The following DOCK11 variants were observed in gnomAD, a reference collection of about 807,000 sequenced individuals.
DOCK11 encodes the protein dedicator of cytokinesis protein 11.
DOCK11 carries 70 observed loss-of-function variants against 169.1 expected under a neutral mutation model. That is an observed-to-expected ratio of 0.41 (90% CI 0.34 to 0.51). The LOEUF (loss-of-function observed/expected upper bound fraction) is 0.51, where lower values mean the gene tolerates loss of function less well. Ranked by LOEUF, DOCK11 falls within the 20% of genes least tolerant of loss-of-function variation. DOCK11 has a pLI of 0.10. For missense variants in DOCK11, 1,166 were observed against 1,538.8 expected, an observed-to-expected ratio of 0.76 and a Z score of 4.05; for synonymous variants, 529 against 541.3, an observed-to-expected ratio of 0.98 and a Z score of 0.32.
At chrX:118,671,302 T>C (rs768703710) in intron 46 of DOCK11, among the ~76,000 whole-genome samples, 157 bp downstream of exon 46, 1 of 112,408 alleles carries the variant, frequency 8.9e-6, no homozygotes, top group South Asian at 3.6e-4. Flanking sequence ...TAGAGTATAG[T>C]CTATCATTTT....
chrX:118,525,829 A>C (rs1271817049), intron 1 of DOCK11, among the ~76,000 whole-genome samples: 2 of 111,633 alleles, frequency 1.8e-5, no homozygotes, highest in Non-Finnish European at 3.8e-5. Context: ...AAAGGAAAAA[A>C]AAAGAAAAAG....
chrX:118,584,521 C>T (rs1281958058), intron 14 of DOCK11, among the ~76,000 whole-genome samples: 1 of 112,095 alleles, frequency 8.9e-6, no homozygotes, highest in African/African-American at 3.2e-5. Flanking sequence ...TAAATTGCTG[C>T]TGCGCAAATT....
In DOCK11 at chrX:118,593,303, A is replaced by G; in HGVS notation, c.2229A>G (p.Gly743=). ...TAAGTTGTGAAATTAACACAAAGGG[A>G]ACAACCAAAAAGCAAGACACAGTTG... ...YHVSCEINTK[G]TTKKQDTVET... The change falls in exon 20 of 53, where the codon GGA becomes GGG. Residue 743 remains glycine (G), a synonymous_variant. Coordinates refer to ENST00000276202, the MANE Select transcript of DOCK11 (RefSeq NM_144658.4). The G allele has an allele frequency of 8.3e-7, 1 of 1,204,621 alleles. No individual in the cohort carries two copies. Among genetic ancestry groups the G allele is most frequent in the Non-Finnish European group, 1.1e-6 (1 of 893,050 alleles).
At chrX:118,566,329 C>T (rs1159993386) in intron 8 of DOCK11, 147 bp downstream of exon 8, 2 of 608,710 alleles carry the variant, frequency 3.3e-6, no homozygotes, top group East Asian at 7.2e-5. Context: ...GGTTGATAGA[C>T]TTTTTTTAAA....
At chrX:118,527,424 A>G (rs2011402612) in intron 1 of DOCK11, among the ~76,000 whole-genome samples, 1 of 112,224 alleles carries the variant, frequency 8.9e-6, no homozygotes, top group Non-Finnish European at 1.9e-5. Flanking sequence ...TTGTTGGTGG[A>G]TACATCTTGG....
chrX:118,567,990 T>A (rs1171016159), intron 9 of DOCK11, 89 bp from the exon 10 acceptor site: 7 of 430,344 alleles, frequency 1.6e-5, no homozygotes. Flanking sequence ...TGTGACAGAT[T>A]GATAGTTTCA....
At chrX:118,542,517 TGTTTG>T (rs1569411481) in intron 1 of DOCK11, among the ~76,000 whole-genome samples, 28 of 65,483 alleles carry the variant, frequency 4.3e-4, no homozygotes, top group African/African-American at 1.7e-3. Flanking sequence ...TGTGTGTGTG[TGTTTG>T]TGTGTGTGTG....
At chrX:118,610,239 G>GTCTGACATTTT in intron 27 of DOCK11, 33 bp from the exon 28 acceptor site, 1 of 1,205,777 alleles carries the variant, frequency 8.3e-7, no homozygotes, top group East Asian at 3.0e-5. Flanking sequence ...CCTTTTGGAA[G>GTCTGACATTTT]TCTGACTTTT....
intron 19 of DOCK11, among the ~76,000 whole-genome samples, chrX:118,592,050 G>C (rs1227338812): frequency 9.4e-6 from 1 of 106,851 alleles, no homozygotes; most frequent in Admixed American, 1.0e-4. Flanking sequence ...CATTTGGGTT[G>C]GTTCCAAGTC....
intron 11 of DOCK11, among the ~76,000 whole-genome samples, chrX:118,573,001 G>A (rs749120600): frequency 1.5e-4 from 17 of 112,113 alleles, no homozygotes; most frequent in East Asian, 2.8e-4. Context: ...TGCTAGGCTC[G>A]GTCACTATTC....
At chrX:118,614,837 A>G (rs913479133) in intron 29 of DOCK11, 62 bp downstream of exon 29, 2 of 805,354 alleles carry the variant, frequency 2.5e-6, no homozygotes, top group African/African-American at 2.1e-5. Flanking sequence ...CCAAAGTGAC[A>G]TTTATTCTCT....
At chrX:118,603,471 T>G (rs1309044926) in intron 23 of DOCK11, among the ~76,000 whole-genome samples, 1 of 112,383 alleles carries the variant, frequency 8.9e-6, no homozygotes, top group African/African-American at 3.2e-5. Context: ...CCATCTCTCT[T>G]TTCTACCTGG....
In DOCK11 at chrX:118,496,092, G is replaced by T; in HGVS notation, c.102+19G>T. The T allele has an allele frequency of 1.0e-6, 1 of 974,494 alleles. No individual in the cohort carries two copies. The highest frequency in any genetic ancestry group is 3.5e-5 in the South Asian group (1 of 28,917). 80.3% of individuals were successfully genotyped at this position (974,494 alleles called of 1,213,427 possible). A position where few individuals can be genotyped will look rare whatever the true frequency, so the allele number is the denominator to read the frequency against. ...GGTGCTGGTGAGTGGCCGGGGGACGGGGCATCCCGGGGGACGCGCTCCAGG... is the reference window on the plus strand; with the variant it reads ...GGTGCTGGTGAGTGGCCGGGGGACGTGGCATCCCGGGGGACGCGCTCCAGG... On this transcript the variant is annotated intron_variant, in intron 1 of 52. Transcript: ENST00000276202.
At chrX:118,623,887 T>A (rs16995235) in intron 31 of DOCK11, among the ~76,000 whole-genome samples, 7,509 of 112,399 alleles carry the variant, frequency 0.067, 202 homozygotes, top group Non-Finnish European at 0.082. Context: ...TGGCGAGGAA[T>A]GTCTATAAGC....
intron 31 of DOCK11, among the ~76,000 whole-genome samples, chrX:118,620,775 G>T (rs2014951743): frequency 8.9e-6 from 1 of 112,259 alleles, no homozygotes; most frequent in Middle Eastern, 4.2e-3. Context: ...ACTTGCTTAT[G>T]CCTGTAAGTG....
rs143607791 is a variant in DOCK11, at chrX:118,600,819, G to A, written c.2562+1591G>A. 4.4e-3 allele frequency among the ~76,000 whole-genome samples: 487 copies of A among 110,708 alleles called. 2 individuals carry two copies. Among genetic ancestry groups the A allele is most frequent in the African/African-American group, 0.015 (453 of 30,453 alleles). ...TGGGAACAGCAAGTACAAAGGCCCC[G>A]AGGAGCTTGGCTTGGTGTGTTTGGG... On this transcript the variant is annotated intron_variant, in intron 23 of 52. Transcript: ENST00000276202.
chrX:118,602,632 C>T (rs1301091764), intron 23 of DOCK11, among the ~76,000 whole-genome samples: 1 of 110,058 alleles, frequency 9.1e-6, no homozygotes, highest in African/African-American at 3.3e-5. Flanking sequence ...CCTCTGCCTC[C>T]CGGGTTCAAG....
intron 32 of DOCK11, among the ~76,000 whole-genome samples, chrX:118,626,337 CTGGAATTATAGGCA>C (rs1381879157): frequency 9.0e-6 from 1 of 111,392 alleles, no homozygotes; most frequent in East Asian, 2.8e-4. Context: ...TCCCAAAGTG[CTGGAATTATAGGCA>C]TGAGCCACTG....
chrX:118,657,345 AT>A lies in DOCK11; in HGVS notation c.4969+2385del, dbSNP rs753846712. On this transcript the variant is annotated intron_variant, in intron 44 of 52. Transcript: ENST00000276202. ...AATGTTGTTTTGAATGTTAAAAAAA[AT>A]GATGTTTAAGAGAATTTACATATTT... is the stretch of plus-strand genomic sequence containing the variant. Among the ~76,000 whole-genome samples the A allele has an allele frequency of 3.4e-3, 380 of 112,244 alleles. 1 individual carries two copies. The highest frequency in any genetic ancestry group is 5.2e-3 in the Non-Finnish European group (275 of 53,266).
Sources: allele counts gnomAD v4.1 joint callset (sites outside exome capture counted in the v4.1 genomes callset), GRCh38; gene constraint gnomAD v4.1.1; transcripts MANE v1.5; gene names NCBI Gene and HGNC (gene_info 2026-07-23, HGNC 2026-07-21).